The following TTF2 variants were observed in gnomAD, a reference collection of about 807,000 sequenced individuals.
The protein encoded by TTF2 is RNA polymerase II termination factor.
TTF2 carries 108 observed loss-of-function variants against 142.4 expected under a neutral mutation model. That is an observed-to-expected ratio of 0.76 (90% CI 0.65 to 0.89). The LOEUF (loss-of-function observed/expected upper bound fraction) is 0.89, where lower values mean the gene tolerates loss of function less well. Ranked by LOEUF, TTF2 falls within the 40% of genes least tolerant of loss-of-function variation. The pLI is 0.00. For missense variants in TTF2, 1,327 were observed against 1,379.8 expected (o/e 0.96, Z 0.61); for synonymous variants, 483 against 506.2 (o/e 0.95, Z 0.61).
At chr1:117,072,070 C>T (rs1197735271) in intron 3 of TTF2, among the ~76,000 whole-genome samples, 3 of 152,004 alleles carry the variant, frequency 2.0e-5, no homozygotes, top group African/African-American at 7.2e-5. Flanking sequence ...AGAGTAGTAC[C>T]CATGCAAAGT....
Position 117,105,803 on chromosome 1 carries a change from T to C in TTF2, c.*4279T>C, listed in dbSNP as rs1400316514. On this transcript the variant is annotated 3_prime_UTR_variant, in exon 23 of 23. Transcript: ENST00000369466. The surrounding 1 kb of genome is among the most constrained non-coding windows in gnomAD (Gnocchi z 4.7). ...AAACAGAAAAAAAAAATTTTCTGTT[T>C]ATGGGAGGTGACTTATTTCTCTATC... 2 of 152,170 alleles carry C rather than the reference T, an allele frequency of 1.3e-5. No homozygotes were observed. Among genetic ancestry groups the C allele is most frequent in the Admixed American group, 1.3e-4 (2 of 15,280 alleles). The allele number at this position is 152,170 out of a possible 1,614,324, so 9.4% of individuals were successfully genotyped here.
intron 3 of TTF2, among the ~76,000 whole-genome samples, chr1:117,072,765 G>A (rs1211547099): frequency 6.6e-6 from 1 of 152,102 alleles, no homozygotes; most frequent in Non-Finnish European, 1.5e-5. Context: ...ATGTTTTAGA[G>A]AAGGGAGTCT....
chr1:117,076,146 A>G lies in TTF2; in HGVS notation c.1276-34A>G, dbSNP rs1482179620. Reference sequence around the variant, plus strand: ...GAAACTATTCATCTAACAGTGTGAGAGGAGAGATCCATTTGATGGAATCTG... The same window carrying G: ...GAAACTATTCATCTAACAGTGTGAGGGGAGAGATCCATTTGATGGAATCTG... On this transcript the variant is annotated intron_variant, in intron 5 of 22. Transcript: ENST00000369466. The surrounding 1 kb of genome is among the most constrained non-coding windows in gnomAD (Gnocchi z 4.6). The G allele has an allele frequency of 6.3e-7, 1 of 1,579,678 alleles. No individual in the cohort carries two copies. Among genetic ancestry groups the G allele is most frequent in the Non-Finnish European group, 8.7e-7 (1 of 1,150,352 alleles).
intron 10 of TTF2, 86 bp downstream of exon 10, chr1:117,082,033 C>A (rs756338948): frequency 1.9e-6 from 3 of 1,589,228 alleles, no homozygotes; most frequent in East Asian, 2.2e-5. Context: ...AAAAAGGACA[C>A]CTTTGGTCAT....
At chr1:117,091,479 G>A (rs1648570905) in intron 16 of TTF2, 69 bp downstream of exon 16, 1 of 1,465,364 alleles carries the variant, frequency 6.8e-7, no homozygotes, top group Admixed American at 2.1e-5. Flanking sequence ...GTAAAACACA[G>A]AAATGTGAGG....
rs1648563785 is a variant in TTF2 at position 117,091,387 on chromosome 1, G to C, written c.2648G>C (p.Ser883Thr). Residue 883 changes from serine to threonine, a missense_variant, in exon 16 of 23, where the codon AGC becomes ACC. Transcript: ENST00000369466. Reference protein sequence around the residue: ...HESRGNQSGRSPNNPFSRVAL... With the variant: ...HESRGNQSGRTPNNPFSRVAL... Reference sequence around the variant, plus strand: ...AGTAGAGGCAACCAATCTGGAAGAAGCCCTAATAATCCATTCAGTAGAGGT... The same window carrying C: ...AGTAGAGGCAACCAATCTGGAAGAACCCCTAATAATCCATTCAGTAGAGGT... The C allele has an allele frequency of 6.2e-7, 1 of 1,613,476 alleles. No homozygotes were observed.
chr1:117,086,155 A>G lies in TTF2; in HGVS notation c.2055-262A>G, dbSNP rs1411168235. 2.0e-5 allele frequency among the ~76,000 whole-genome samples: 3 copies of G among 152,138 alleles called. No homozygotes were observed. The highest frequency in any genetic ancestry group is 2.9e-5 in the Non-Finnish European group (2 of 68,026). On this transcript the variant is annotated intron_variant, in intron 11 of 22. Transcript: ENST00000369466. This position sits in a 1 kb window ranked among gnomAD's most constrained non-coding sequence, Gnocchi z 4.2. Reference sequence around the variant, plus strand: ...TTTTCTTTCTGACTCACTGGATGGTAAGAGGGAGGCTGTGGTAGCTATAGT... The same window carrying G: ...TTTTCTTTCTGACTCACTGGATGGTGAGAGGGAGGCTGTGGTAGCTATAGT...
At chr1:117,068,262 T>C (rs1338609923) in intron 3 of TTF2, among the ~76,000 whole-genome samples, 4 of 152,176 alleles carry the variant, frequency 2.6e-5, no homozygotes, top group Non-Finnish European at 5.9e-5. Context: ...AATAATTGGT[T>C]GTGGTATCCT....
rs1404587034 is a variant in TTF2, at chr1:117,087,233, C to T, written c.2160+711C>T. Reference sequence around the variant, plus strand: ...TAGATGATGAACTTTTCAGATTGCTCACTGGTTTTCCATTGCTTTTGGGAT... The same window carrying T: ...TAGATGATGAACTTTTCAGATTGCTTACTGGTTTTCCATTGCTTTTGGGAT... On this transcript the variant is annotated intron_variant, in intron 12 of 22. Transcript: ENST00000369466. This position sits in a 1 kb window ranked among gnomAD's most constrained non-coding sequence, Gnocchi z 4.8. 6.6e-6 allele frequency among the ~76,000 whole-genome samples: 1 copy of T among 152,176 alleles called. No individual in the cohort carries two copies. Among genetic ancestry groups the T allele is most frequent in the Non-Finnish European group, 1.5e-5 (1 of 68,040 alleles).
rs1649375864 is a variant in TTF2 at position 117,098,916 on chromosome 1, T to A, written c.3344+9T>A. The stretch of plus-strand genomic sequence containing the variant: ...GATGTTGTCATACACAGGTAAGTAA[T>A]GGTCCCCAGGACCCAGGACCCTTCT... On this transcript the variant is annotated intron_variant, in intron 22 of 22. Coordinates refer to ENST00000369466, the MANE Select transcript of TTF2 (RefSeq NM_003594.4). 1 of 1,612,226 alleles carries A rather than the reference T, an allele frequency of 6.2e-7. No individual in the cohort carries two copies.
chr1:117,091,308 T>C lies in TTF2; in HGVS notation c.2589-20T>C. ...AGTGACCATTATACATGCATTTTTTTTCTTTTTAATCTGAGGCAGGTCAGC... is the reference window on the plus strand; with the variant it reads ...AGTGACCATTATACATGCATTTTTTCTCTTTTTAATCTGAGGCAGGTCAGC... On this transcript the variant is annotated intron_variant, in intron 15 of 22. Transcript: ENST00000369466. The C allele has an allele frequency of 6.2e-7, 1 of 1,602,166 alleles. No homozygotes were observed. Among genetic ancestry groups the C allele is most frequent in the African/African-American group, 1.3e-5 (1 of 74,288 alleles).
In TTF2 at chr1:117,080,193, T is replaced by C. The variant is rs969450650; in HGVS notation, c.1783+544T>C. Reference sequence around the variant, plus strand: ...CCTGGCTAATTTTTTGTATTTTTAGTAGAGATGGGGTTTCGCCATGTTGGA... The same window carrying C: ...CCTGGCTAATTTTTTGTATTTTTAGCAGAGATGGGGTTTCGCCATGTTGGA... On this transcript the variant is annotated intron_variant, in intron 9 of 22. Coordinates refer to ENST00000369466, the MANE Select transcript of TTF2 (RefSeq NM_003594.4). The surrounding 1 kb of genome is among the most constrained non-coding windows in gnomAD (Gnocchi z 4.3). 6.6e-6 allele frequency among the ~76,000 whole-genome samples: 1 copy of C among 152,060 alleles called. No individual in the cohort carries two copies. Among genetic ancestry groups the C allele is most frequent in the African/African-American group, 2.4e-5 (1 of 41,408 alleles).
In TTF2 at chr1:117,085,930, G is replaced by A. The variant is rs551477511; in HGVS notation, c.2055-487G>A. ...ATTTTCACAAATCCATTATAGAGTG[G>A]TGGGAGGAAAGCACCATTGATACAA... On this transcript the variant is annotated intron_variant, in intron 11 of 22. Coordinates refer to ENST00000369466, the MANE Select transcript of TTF2 (RefSeq NM_003594.4). This position sits in a 1 kb window ranked among gnomAD's most constrained non-coding sequence, Gnocchi z 4.7. 2.0e-4 allele frequency among the ~76,000 whole-genome samples: 30 copies of A among 152,032 alleles called. No individual in the cohort carries two copies. The highest frequency in any genetic ancestry group is 3.2e-3 in the Middle Eastern group (1 of 316).
rs1383852888 is a variant in TTF2, at chr1:117,063,343, G to A, written c.218+870G>A. ...GTACCTGCTCATAAAACCAAGATCC[G>A]AGTCAAAATATTACCCCAATAAGTG... On this transcript the variant is annotated intron_variant, in intron 3 of 22. Coordinates refer to ENST00000369466, the MANE Select transcript of TTF2 (RefSeq NM_003594.4). This position sits in a 1 kb window ranked among gnomAD's most constrained non-coding sequence, Gnocchi z 4.1. Among the ~76,000 whole-genome samples, 1 of 152,072 alleles carries A rather than the reference G, an allele frequency of 6.6e-6. No homozygotes were observed. The highest frequency in any genetic ancestry group is 2.4e-5 in the African/African-American group (1 of 41,380).
In TTF2 at chr1:117,086,105, G is replaced by A. The variant is rs1337224520; in HGVS notation, c.2055-312G>A. 2.0e-5 allele frequency among the ~76,000 whole-genome samples: 3 copies of A among 152,144 alleles called. No individual in the cohort carries two copies. The highest frequency in any genetic ancestry group is 2.0e-4 in the Admixed American group (3 of 15,274). On this transcript the variant is annotated intron_variant, in intron 11 of 22. Transcript: ENST00000369466. The surrounding 1 kb of genome is among the most constrained non-coding windows in gnomAD (Gnocchi z 4.2). The stretch of plus-strand genomic sequence containing the variant: ...TTCTGTTCTGGCCAGATCATATTAA[G>A]CATTATATTATCCCAGCCAGAGAAT...
At chr1:117,062,125 A>C (rs1174270446) in intron 2 of TTF2, among the ~76,000 whole-genome samples, 1 of 152,192 alleles carries the variant, frequency 6.6e-6, no homozygotes, top group African/African-American at 2.4e-5. Context: ...CCCAGTGTAG[A>C]GATTACACAG....
In TTF2 at chr1:117,076,913, T is replaced by A. The variant is rs1460643295; in HGVS notation, c.1573+90T>A. ...CAGTAGTCACCTCTTATCCACACTTTCAGTTAACCTTAGTCACCTGTGGTT... is the reference window on the plus strand; with the variant it reads ...CAGTAGTCACCTCTTATCCACACTTACAGTTAACCTTAGTCACCTGTGGTT... On this transcript the variant is annotated intron_variant, in intron 7 of 22. Coordinates refer to ENST00000369466, the MANE Select transcript of TTF2 (RefSeq NM_003594.4). This position sits in a 1 kb window ranked among gnomAD's most constrained non-coding sequence, Gnocchi z 4.6. 1 of 1,240,410 alleles carries A rather than the reference T, an allele frequency of 8.1e-7. No individual in the cohort carries two copies. The highest frequency in any genetic ancestry group is 1.5e-5 in the African/African-American group (1 of 66,242). The allele number at this position is 1,240,410 out of a possible 1,614,324, so 76.8% of individuals were successfully genotyped here.
chr1:117,083,883 AG>A lies in TTF2; in HGVS notation c.1904-133del, dbSNP rs367752144. The A allele has an allele frequency of 1.3e-3, 1,329 of 1,025,188 alleles. 7 individuals are homozygous for A. The African/African-American group carries it at 0.019, about 15-fold the overall frequency. The allele number at this position is 1,025,188 out of a possible 1,614,324, so 63.5% of individuals were successfully genotyped here. ...TAATTCCACTGTGGGAGGCTAAGGC[AG>A]GAGGATCACTTGAGCCTAGGAGTTT... On this transcript the variant is annotated intron_variant, in intron 10 of 22. Coordinates refer to ENST00000369466, the MANE Select transcript of TTF2 (RefSeq NM_003594.4).
intron 3 of TTF2, among the ~76,000 whole-genome samples, chr1:117,072,732 A>C (rs1424901413): frequency 6.6e-6 from 1 of 151,962 alleles, no homozygotes; most frequent in Non-Finnish European, 1.5e-5. Flanking sequence ...CAAGATATGA[A>C]CTATTTTTTA....
Sources: allele counts gnomAD v4.1 joint callset (sites outside exome capture counted in the v4.1 genomes callset), GRCh38; gene constraint gnomAD v4.1.1; non-coding constraint Gnocchi (gnomAD v3.1); transcripts MANE v1.5; gene names NCBI Gene and HGNC (gene_info 2026-07-23, HGNC 2026-07-21).